Variants in HDAC9 observed in about 807,000 individuals in gnomAD.
HDAC9 encodes histone deacetylase 9.
HDAC9 carries 41 observed loss-of-function variants against 139.4 expected under a neutral mutation model. The observed-to-expected ratio is 0.29, with a 90% confidence interval of 0.23 to 0.38. The LOEUF is 0.38. HDAC9 is among the 10% of genes least tolerant of loss of function. The probability of loss-of-function intolerance (pLI) is 1.00; values close to 1 mark genes in which losing one functional copy is unlikely to be tolerated. For synonymous variants in HDAC9, 517 were observed against 476.2 expected, an observed-to-expected ratio of 1.09 and a Z score of -1.12; for missense variants, 1,147 against 1,297.0, an observed-to-expected ratio of 0.88 and a Z score of 1.78.
chr7:18,594,433 T>G (rs1438767052), intron 6 of HDAC9, among the ~76,000 whole-genome samples: 1 of 152,102 alleles, frequency 6.6e-6, no homozygotes, highest in Non-Finnish European at 1.5e-5. Flanking sequence ...AAAGTTTAAT[T>G]TTTCCAATAA....
intron 2 of HDAC9, among the ~76,000 whole-genome samples, chr7:18,237,370 G>T (rs10281630): frequency 0.24 from 36,876 of 152,090 alleles, 4,524 homozygotes; most frequent in Middle Eastern, 0.28. Flanking sequence ...ACATCTTGCT[G>T]TGGAGTGACT....
At chr7:18,162,623 T>C in intron 2 of HDAC9, 1 of 452,416 alleles carries the variant, frequency 2.2e-6, no homozygotes, top group Non-Finnish European at 4.0e-6. Flanking sequence ...TTGAACTTTA[T>C]GAAGTTATGA....
chr7:18,260,323 G>GT (rs368857394), intron 2 of HDAC9, among the ~76,000 whole-genome samples: 3,316 of 115,678 alleles, frequency 0.029, 57 homozygotes, highest in Middle Eastern at 0.044. Context: ...TTTTTTTTTT[G>GT]TTTTTTTTTT....
intron 16 of HDAC9, among the ~76,000 whole-genome samples, chr7:18,781,984 GC>G (rs1179150246): frequency 3.3e-5 from 5 of 152,192 alleles, no homozygotes; most frequent in African/African-American, 1.2e-4. Context: ...AATACAACCT[GC>G]TAAAATGGCA....
intron 13 of HDAC9, among the ~76,000 whole-genome samples, chr7:18,733,504 T>C (rs866161358): frequency 1.1e-4 from 17 of 151,540 alleles, no homozygotes; most frequent in Middle Eastern, 6.9e-3. Flanking sequence ...TCTTCCAAAA[T>C]TTACTCATCT....
At chr7:18,679,729 A>C (rs1262097929) in intron 12 of HDAC9, among the ~76,000 whole-genome samples, 1 of 151,852 alleles carries the variant, frequency 6.6e-6, no homozygotes, top group East Asian at 1.9e-4. Flanking sequence ...AAAAATTTTA[A>C]TTCCAGTATG....
At chr7:18,529,948 T>G (rs2128233645) in intron 2 of HDAC9, among the ~76,000 whole-genome samples, 1 of 152,282 alleles carries the variant, frequency 6.6e-6, no homozygotes, top group East Asian at 1.9e-4. Context: ...AATTATTTTT[T>G]TAAAATACAC....
At chr7:18,935,376 A>G (rs951061110) in intron 22 of HDAC9, among the ~76,000 whole-genome samples, 2 of 152,188 alleles carry the variant, frequency 1.3e-5, no homozygotes, top group African/African-American at 4.8e-5. Flanking sequence ...GATAATGTAA[A>G]TTTGTAATAT....
rs397889583 is a variant in HDAC9 at position 18,155,093 on chromosome 7, CT to C, written c.-96-7123del. Reference sequence around the variant, plus strand: ...GCTTTTTTTCTTTCTTTCTTTCTTTCTTTTTTTTTTTTTAACAACCTCTTTG... The same window carrying C: ...GCTTTTTTTCTTTCTTTCTTTCTTTCTTTTTTTTTTTTAACAACCTCTTTG... On this transcript the variant is annotated intron_variant, in intron 1 of 12. Transcript: ENST00000417496. 4.8e-3 allele frequency among the ~76,000 whole-genome samples: 675 copies of C among 141,426 alleles called. 4 individuals are homozygous for C. The highest frequency in any genetic ancestry group is 0.011 in the African/African-American group (414 of 38,008). The allele number at this position is 141,426 out of a possible 152,430, so 92.8% of individuals were successfully genotyped here. A position where few individuals can be genotyped will look rare whatever the true frequency, so the allele number is the denominator to read the frequency against.
chr7:18,517,365 G>A (rs559093350), intron 2 of HDAC9, among the ~76,000 whole-genome samples: 3 of 152,260 alleles, frequency 2.0e-5, no homozygotes, highest in Admixed American at 6.5e-5. Context: ...TCCACTTGTA[G>A]TTTCATGTCA....
chr7:18,312,326 T>A (rs572907955), intron 1 of HDAC9, among the ~76,000 whole-genome samples: 2 of 152,322 alleles, frequency 1.3e-5, no homozygotes, highest in African/African-American at 4.8e-5. Flanking sequence ...CTTTCTTGTG[T>A]AGCCTTCCAG....
chr7:18,338,341 C>T (rs1050401877), intron 1 of HDAC9, among the ~76,000 whole-genome samples: 2 of 151,582 alleles, frequency 1.3e-5, no homozygotes, highest in African/African-American at 4.8e-5. Flanking sequence ...GACAACAATA[C>T]GGATATAATC....
intron 14 of HDAC9, among the ~76,000 whole-genome samples, chr7:18,752,920 C>T (rs1168283450): frequency 2.6e-5 from 4 of 152,096 alleles, no homozygotes; most frequent in Admixed American, 6.6e-5. Context: ...CAGATCTAAA[C>T]TCAGAACTTC....
chr7:18,380,634 A>T (rs554774034), intron 1 of HDAC9, among the ~76,000 whole-genome samples: 2 of 152,212 alleles, frequency 1.3e-5, no homozygotes, highest in Admixed American at 6.5e-5. Context: ...GATGGTCTTC[A>T]CTGAGCTGAA....
At chr7:18,956,443 C>T (rs1356012717) in intron 24 of HDAC9, among the ~76,000 whole-genome samples, 1 of 152,030 alleles carries the variant, frequency 6.6e-6, no homozygotes, top group Non-Finnish European at 1.5e-5. Context: ...CTGAATGTCC[C>T]TCCAGGAAGG....
intron 25 of HDAC9, among the ~76,000 whole-genome samples, chr7:18,976,991 A>G (rs1784589775): frequency 6.6e-6 from 1 of 152,234 alleles, no homozygotes; most frequent in African/African-American, 2.4e-5. Flanking sequence ...CTGGATACTC[A>G]GAGTTTAATG....
chr7:18,479,356 T>G (rs995165502), intron 1 of HDAC9, among the ~76,000 whole-genome samples: 1 of 152,166 alleles, frequency 6.6e-6, no homozygotes, highest in Admixed American at 6.5e-5. Context: ...AGAGTAGCAA[T>G]TATCTTAGCA....
chr7:18,973,310 C>G (rs1440422484), intron 24 of HDAC9, among the ~76,000 whole-genome samples: 1 of 152,114 alleles, frequency 6.6e-6, no homozygotes, highest in Non-Finnish European at 1.5e-5. Flanking sequence ...CCCATGTTAG[C>G]CACCATAGAA....
At chr7:18,140,436 A>G (rs1461336414) in intron 1 of HDAC9, among the ~76,000 whole-genome samples, 1 of 152,194 alleles carries the variant, frequency 6.6e-6, no homozygotes, top group African/African-American at 2.4e-5. Flanking sequence ...TCTTCCACCG[A>G]ACTTTAAAAA....
Sources: allele counts gnomAD v4.1 joint callset (sites outside exome capture counted in the v4.1 genomes callset), GRCh38; gene constraint gnomAD v4.1.1; transcripts MANE v1.5; gene names NCBI Gene and HGNC (gene_info 2026-07-23, HGNC 2026-07-21).